Variants in UNC5A observed in about 807,000 individuals in gnomAD.
UNC5A encodes unc-5 netrin receptor A.
UNC5A carries 20 observed loss-of-function variants against 87.4 expected under a neutral mutation model. The ratio of observed to expected loss-of-function variants is 0.23; its 90% CI spans 0.16 to 0.33. The LOEUF (loss-of-function observed/expected upper bound fraction) is 0.33, where lower values mean the gene tolerates loss of function less well. Among genes scored for constraint, UNC5A ranks in the 10% least tolerant of loss-of-function variants. UNC5A has a pLI of 1.00. For synonymous variants in UNC5A, 438 were observed against 482.3 expected (o/e 0.91, Z 1.20); for missense variants, 844 against 1,133.4 (o/e 0.74, Z 3.67).
At chr5:176,823,867 G>C (rs913613198) in intron 1 of UNC5A, among the ~76,000 whole-genome samples, 2 of 152,198 alleles carry the variant, frequency 1.3e-5, no homozygotes, top group Admixed American at 6.5e-5. Flanking sequence ...ATCTCGAGGG[G>C]GTTGGTAGTT....
chr5:176,827,340 G>A (rs1487300813), intron 1 of UNC5A, among the ~76,000 whole-genome samples: 1 of 151,958 alleles, frequency 6.6e-6, no homozygotes, highest in East Asian at 1.9e-4. Context: ...GCACCACCAC[G>A]CCCAGCCAAT....
intron 1 of UNC5A, among the ~76,000 whole-genome samples, chr5:176,842,501 A>G (rs1561650544): frequency 1.3e-5 from 2 of 151,682 alleles, no homozygotes; most frequent in Non-Finnish European, 2.9e-5. Context: ...TGATATATAT[A>G]TATATATATG....
intron 1 of UNC5A, among the ~76,000 whole-genome samples, chr5:176,832,420 A>G (rs982715551): frequency 6.6e-6 from 1 of 152,154 alleles, no homozygotes; most frequent in African/African-American, 2.4e-5. Flanking sequence ...TCTCGTAGTA[A>G]TTCTTTTTGC....
intron 13 of UNC5A, 140 bp downstream of exon 13, chr5:176,878,779 C>T (rs1351546559): frequency 3.6e-5 from 41 of 1,138,738 alleles, no homozygotes; most frequent in Non-Finnish European, 5.0e-5. Flanking sequence ...CTCCTAGAAA[C>T]CCCTTGGCAG....
At position 176,868,262 on chromosome 5, in the gene UNC5A, TC is replaced by T. The variant is rs757793939; in HGVS notation, c.427del (p.Arg143AlafsTer2). The T allele has an allele frequency of 6.2e-7, 1 of 1,613,204 alleles. No homozygotes were observed. Among genetic ancestry groups the T allele is most frequent in the Non-Finnish European group, 8.5e-7 (1 of 1,179,852 alleles). On this transcript the variant is annotated frameshift_variant, in exon 3 of 15. Transcript: ENST00000329542. LOFTEE classifies it high-confidence loss of function. ...ACCACCAAGAGTCAGAAGGCCTACATCCGCATAGCCTGTGAGTCTAGGGCTG... is the reference window on the plus strand; with the variant it reads ...ACCACCAAGAGTCAGAAGGCCTACATCGCATAGCCTGTGAGTCTAGGGCTG... ...SGTTKSQKAY[I>X]RIAYLRKNFE... is the part of the protein sequence containing the mutation.
intron 1 of UNC5A, among the ~76,000 whole-genome samples, chr5:176,818,121 C>G (rs1453387728): frequency 6.6e-6 from 1 of 152,236 alleles, no homozygotes; most frequent in Non-Finnish European, 1.5e-5. Context: ...CCCTGCCCGC[C>G]CTTCCCGGGC....
chr5:176,832,447 C>T (rs1373070738), intron 1 of UNC5A, among the ~76,000 whole-genome samples: 1 of 152,146 alleles, frequency 6.6e-6, no homozygotes, highest in Non-Finnish European at 1.5e-5. Flanking sequence ...TGCTGTTCAC[C>T]CTGGAGCAAG....
At position 176,837,819 on chromosome 5, in the gene UNC5A, A is replaced by G. The variant is rs138786733; in HGVS notation, c.71-24805A>G. ...GGCGCTCCACAGATAGCGGTCCTGG[A>G]CGTGGCACGCTTTCAGCACCGTGGA... On this transcript the variant is annotated intron_variant, in intron 1 of 14. Transcript: ENST00000329542. 6.1e-3 allele frequency among the ~76,000 whole-genome samples: 922 copies of G among 151,734 alleles called. 10 individuals carry two copies. Among genetic ancestry groups the G allele is most frequent in the Middle Eastern group, 0.027 (8 of 294 alleles).
At chr5:176,847,269 T>C (rs1581258813) in intron 1 of UNC5A, among the ~76,000 whole-genome samples, 1 of 152,082 alleles carries the variant, frequency 6.6e-6, no homozygotes, top group African/African-American at 2.4e-5. Context: ...GGATGGGCAT[T>C]TGGGAGAGAG....
intron 1 of UNC5A, among the ~76,000 whole-genome samples, chr5:176,834,028 C>T (rs1055933922): frequency 1.3e-5 from 2 of 152,158 alleles, no homozygotes; most frequent in African/African-American, 4.8e-5. Flanking sequence ...CTTATTCTCT[C>T]ATTCATCAAC....
chr5:176,814,060 G>T (rs1300533412), intron 1 of UNC5A, among the ~76,000 whole-genome samples: 4 of 152,084 alleles, frequency 2.6e-5, no homozygotes, highest in Admixed American at 6.5e-5. Context: ...AAGTCCTCCA[G>T]CTCGGGCCTA....
At chr5:176,833,037 A>G in intron 1 of UNC5A, among the ~76,000 whole-genome samples, 1 of 152,228 alleles carries the variant, frequency 6.6e-6, no homozygotes, top group Non-Finnish European at 1.5e-5. Flanking sequence ...CACGTGTGGT[A>G]GCCACTCTCA....
chr5:176,847,349 G>T (rs1018454002), intron 1 of UNC5A, among the ~76,000 whole-genome samples: 1 of 152,170 alleles, frequency 6.6e-6, no homozygotes, highest in African/African-American at 2.4e-5. Flanking sequence ...GGTCCGGCTG[G>T]CTGACCCCGC....
Position 176,868,123 on chromosome 5 carries a change from C to T in UNC5A, c.293-7C>T, listed in dbSNP as rs1309330974. 1 of 1,610,310 alleles carries T rather than the reference C, an allele frequency of 6.2e-7. No individual in the cohort carries two copies. The highest frequency in any genetic ancestry group is 1.3e-5 in the African/African-American group (1 of 74,842). The stretch of plus-strand genomic sequence containing the variant: ...GGGCTCTGACTACCTGCCCCTCCCG[C>T]CCCCAGGGCTGCCCACCATGGAGGT... On this transcript the variant is annotated splice_polypyrimidine_tract_variant and splice_region_variant and intron_variant, in intron 2 of 14. Coordinates refer to ENST00000329542, the MANE Select transcript of UNC5A (RefSeq NM_133369.3).
chr5:176,843,446 G>C lies in UNC5A; in HGVS notation c.71-19178G>C, dbSNP rs550196265. On this transcript the variant is annotated intron_variant, in intron 1 of 14. Coordinates refer to ENST00000329542, the MANE Select transcript of UNC5A (RefSeq NM_133369.3). Reference sequence around the variant, plus strand: ...AGTGACAGAAAGCAGAAGGGGGTTGGGAGGGGGGATTGGTGCAAAGGGGCT... The same window carrying C: ...AGTGACAGAAAGCAGAAGGGGGTTGCGAGGGGGGATTGGTGCAAAGGGGCT... Among the ~76,000 whole-genome samples the C allele has an allele frequency of 2.6e-5, 4 of 152,318 alleles. No homozygotes were observed. In the East Asian group the frequency reaches 7.7e-4, roughly 29 times the overall value.
At chr5:176,833,832 C>G (rs1355249378) in intron 1 of UNC5A, among the ~76,000 whole-genome samples, 1 of 151,956 alleles carries the variant, frequency 6.6e-6, no homozygotes, top group Admixed American at 6.6e-5. Flanking sequence ...CCTCAGCCTC[C>G]CGAGTAGCTG....
In UNC5A at chr5:176,838,683, C is replaced by G. The variant is rs1757200060; in HGVS notation, c.71-23941C>G. Among the ~76,000 whole-genome samples, 4 of 152,230 alleles carry G rather than the reference C, an allele frequency of 2.6e-5. No individual in the cohort carries two copies. Among genetic ancestry groups the G allele is most frequent in the Admixed American group, 1.3e-4 (2 of 15,288 alleles). On this transcript the variant is annotated intron_variant, in intron 1 of 14. Coordinates refer to ENST00000329542, the MANE Select transcript of UNC5A (RefSeq NM_133369.3). This position sits in a 1 kb window ranked among gnomAD's most constrained non-coding sequence, Gnocchi z 4.2. ...TTCCCCAGGGCATCCCCTAACATCTCTACACTCTCCCTGTCTTGGTACTGG... is the reference window on the plus strand; with the variant it reads ...TTCCCCAGGGCATCCCCTAACATCTGTACACTCTCCCTGTCTTGGTACTGG...
At chr5:176,831,099 C>T (rs935003102) in intron 1 of UNC5A, among the ~76,000 whole-genome samples, 4 of 152,024 alleles carry the variant, frequency 2.6e-5, no homozygotes, top group Non-Finnish European at 5.9e-5. Context: ...CTCCGTGCCT[C>T]GGGTCAAACC....
chr5:176,860,208 G>A (rs1301351269), intron 1 of UNC5A, among the ~76,000 whole-genome samples: 5 of 152,178 alleles, frequency 3.3e-5, no homozygotes, highest in African/African-American at 4.8e-5. Context: ...ACCTGCCACT[G>A]GGGGGGCTTG....
Sources: gnomAD v4.1 joint callset for allele counts (sites outside exome capture counted in the v4.1 genomes callset) on GRCh38, gnomAD v4.1.1 for gene constraint, Gnocchi (gnomAD v3.1) non-coding constraint, MANE v1.5 for transcripts, NCBI Gene and HGNC (gene_info 2026-07-23, HGNC 2026-07-21) for gene names.